The following PPP2R2A variants were observed in gnomAD, a reference collection of about 807,000 sequenced individuals.
PPP2R2A encodes the protein protein phosphatase 2 regulatory subunit Balpha.
Under a neutral mutation model 53.2 loss-of-function variants are expected in PPP2R2A, and 9 were observed. That is an observed-to-expected ratio of 0.17 (90% CI 0.10 to 0.30). The LOEUF is 0.30. Among genes scored for constraint, PPP2R2A ranks in the 10% least tolerant of loss-of-function variants. The probability of loss-of-function intolerance (pLI) is 1.00; values close to 1 mark genes in which losing one functional copy is unlikely to be tolerated. For missense variants in PPP2R2A, 235 were observed against 534.6 expected, an observed-to-expected ratio of 0.44 and a Z score of 5.53; for synonymous variants, 169 against 174.2, an observed-to-expected ratio of 0.97 and a Z score of 0.23.
rs147920466 is a variant in PPP2R2A at position 26,361,248 on chromosome 8, T to G, written c.637+97T>G. On this transcript the variant is annotated intron_variant, in intron 6 of 9. Transcript: ENST00000380737. ...TCCTAATGAATTTGGTTGCTTTTTA[T>G]AGTCTGTGTACATATATGTATGGCA... The G allele has an allele frequency of 1.6e-6, 2 of 1,259,788 alleles. 1 individual carries two copies. The highest frequency in any genetic ancestry group is 5.3e-5 in the Admixed American group (2 of 37,416). The allele number at this position is 1,259,788 out of a possible 1,614,324, so 78.0% of individuals were successfully genotyped here.
rs1049529494 is a variant in PPP2R2A, at chr8:26,321,648, T to G, written c.83-17242T>G. Among the ~76,000 whole-genome samples, 1 of 152,238 alleles carries G rather than the reference T, an allele frequency of 6.6e-6. No homozygotes were observed. Among genetic ancestry groups the G allele is most frequent in the South Asian group, 2.1e-4 (1 of 4,834 alleles). On this transcript the variant is annotated intron_variant, in intron 2 of 9. Transcript: ENST00000380737. This position sits in a 1 kb window ranked among gnomAD's most constrained non-coding sequence, Gnocchi z 4.1. ...GGATCTGTTGTCTCTGGCCAACAGC[T>G]GGCGACCTGACACCTGTCAGCAGCC...
In PPP2R2A at chr8:26,370,334, C is replaced by T; in HGVS notation, c.1265C>T (p.Thr422Ile). Residue 422 changes from threonine (T) to isoleucine (I), a missense_variant, in exon 10 of 10, where the codon ACA becomes ATA. By Grantham distance (89) the Thr-to-Ile change is moderately conservative. Coordinates refer to ENST00000380737, the MANE Select transcript of PPP2R2A (RefSeq NM_002717.4). The surrounding 1 kb of genome is among the most constrained non-coding windows in gnomAD (Gnocchi z 6.1). The part of the protein sequence containing the change: ...SLDFNKKILH[T>I]AWHPKENIIA... ...GACTTCAATAAGAAAATCCTTCACA[C>T]AGCCTGGCACCCCAAGGAAAATATC... The T allele has an allele frequency of 6.2e-7, 1 of 1,614,182 alleles. No homozygotes were observed. Among genetic ancestry groups the T allele is most frequent in the South Asian group, 1.1e-5 (1 of 91,086 alleles).
chr8:26,325,055 A>T (rs1803016009), intron 2 of PPP2R2A, among the ~76,000 whole-genome samples: 1 of 150,532 alleles, frequency 6.6e-6, no homozygotes, highest in African/African-American at 2.5e-5. Flanking sequence ...TTTTGAGTTA[A>T]TGCTGAAATG....
intron 3 of PPP2R2A, among the ~76,000 whole-genome samples, chr8:26,353,265 A>G (rs901397622): frequency 1.3e-4 from 20 of 152,190 alleles, no homozygotes; most frequent in Non-Finnish European, 2.8e-4. Context: ...TTTGTGGGAC[A>G]TGTATTCTTA....
At chr8:26,324,777 C>T (rs1053684082) in intron 2 of PPP2R2A, among the ~76,000 whole-genome samples, 4 of 152,036 alleles carry the variant, frequency 2.6e-5, no homozygotes, top group African/African-American at 7.2e-5. Context: ...GGAGGCTGTA[C>T]CCTGCAAAGC....
intron 2 of PPP2R2A, among the ~76,000 whole-genome samples, chr8:26,329,059 A>G (rs1379363488): frequency 3.3e-5 from 5 of 152,192 alleles, no homozygotes; most frequent in Non-Finnish European, 5.9e-5. Flanking sequence ...TTATGAACAT[A>G]ATGCCATCTT....
intron 4 of PPP2R2A, among the ~76,000 whole-genome samples, chr8:26,356,762 G>C (rs1340572348): frequency 1.3e-5 from 2 of 152,098 alleles, no homozygotes; most frequent in African/African-American, 4.8e-5. Context: ...TTCTTATAAA[G>C]AGAACTTTTT....
rs1441927449 is a variant in PPP2R2A, at chr8:26,321,568, C to T, written c.83-17322C>T. On this transcript the variant is annotated intron_variant, in intron 2 of 9. Transcript: ENST00000380737. This position sits in a 1 kb window ranked among gnomAD's most constrained non-coding sequence, Gnocchi z 4.1. ...ATGTTGGGCTGCCCTATTTCACTTG[C>T]TGAGGGAAGCCAGCTACCATGTTTG... Among the ~76,000 whole-genome samples, 2 of 152,156 alleles carry T rather than the reference C, an allele frequency of 1.3e-5. No individual in the cohort carries two copies. Among genetic ancestry groups the T allele is most frequent in the Non-Finnish European group, 2.9e-5 (2 of 67,984 alleles).
intron 2 of PPP2R2A, among the ~76,000 whole-genome samples, chr8:26,309,866 A>G (rs1346792938): frequency 1.3e-5 from 2 of 152,148 alleles, no homozygotes; most frequent in East Asian, 1.9e-4. Flanking sequence ...AACAATTACA[A>G]TAGTAATATC....
chr8:26,356,583 T>TA (rs1360664560), intron 4 of PPP2R2A, among the ~76,000 whole-genome samples: 1 of 152,336 alleles, frequency 6.6e-6, no homozygotes, highest in East Asian at 1.9e-4. Flanking sequence ...TTATTTCAAA[T>TA]AGCTTCAAAT....
intron 2 of PPP2R2A, among the ~76,000 whole-genome samples, chr8:26,329,524 A>G (rs560819808): frequency 2.6e-5 from 4 of 152,062 alleles, no homozygotes; most frequent in Non-Finnish European, 5.9e-5. Context: ...CCCTTTTCCT[A>G]TTGAATTCTT....
At chr8:26,297,064 C>G (rs1321031188) in intron 2 of PPP2R2A, among the ~76,000 whole-genome samples, 2 of 152,092 alleles carry the variant, frequency 1.3e-5, no homozygotes, top group African/African-American at 2.4e-5. Flanking sequence ...CTTCCTTGTA[C>G]TTTAATCTTG....
intron 9 of PPP2R2A, among the ~76,000 whole-genome samples, chr8:26,368,920 C>T (rs917328910): frequency 2.0e-5 from 3 of 152,000 alleles, no homozygotes; most frequent in East Asian, 1.9e-4. Flanking sequence ...TCCTGGCTAA[C>T]GTGGTGAAAC....
chr8:26,300,843 T>A (rs1585323035), intron 2 of PPP2R2A, among the ~76,000 whole-genome samples: 1 of 152,008 alleles, frequency 6.6e-6, no homozygotes, highest in East Asian at 1.9e-4. Flanking sequence ...AGAGCAAGAC[T>A]CCATCTCAAA....
intron 1 of PPP2R2A, among the ~76,000 whole-genome samples, chr8:26,292,842 T>C (rs538507126): frequency 6.6e-6 from 1 of 152,322 alleles, no homozygotes; most frequent in South Asian, 2.1e-4. Flanking sequence ...GCACGTGAAA[T>C]AGAAACATTC....
intron 2 of PPP2R2A, among the ~76,000 whole-genome samples, chr8:26,308,329 G>C (rs1563286908): frequency 6.6e-6 from 1 of 152,208 alleles, no homozygotes; most frequent in Non-Finnish European, 1.5e-5. Flanking sequence ...TTTCATGAAA[G>C]ATTTCTCTGT....
chr8:26,329,049 T>C (rs910768987), intron 2 of PPP2R2A, among the ~76,000 whole-genome samples: 4 of 152,226 alleles, frequency 2.6e-5, no homozygotes, highest in Non-Finnish European at 4.4e-5. Context: ...TGTATCTTTT[T>C]TATGAACATA....
At chr8:26,319,883 T>A (rs1202288961) in intron 2 of PPP2R2A, among the ~76,000 whole-genome samples, 1 of 152,222 alleles carries the variant, frequency 6.6e-6, no homozygotes, top group African/African-American at 2.4e-5. Flanking sequence ...TCTCCTTGGA[T>A]GAATTTATTC....
At chr8:26,320,526 GTAT>G (rs1480710396) in intron 2 of PPP2R2A, among the ~76,000 whole-genome samples, 1 of 152,194 alleles carries the variant, frequency 6.6e-6, no homozygotes, top group Non-Finnish European at 1.5e-5. Flanking sequence ...TAGTCTTTAA[GTAT>G]TATGTATATT....
Sources: allele counts gnomAD v4.1 joint callset (sites outside exome capture counted in the v4.1 genomes callset), GRCh38; gene constraint gnomAD v4.1.1; non-coding constraint Gnocchi (gnomAD v3.1); transcripts MANE v1.5; gene names NCBI Gene and HGNC (gene_info 2026-07-23, HGNC 2026-07-21).